The following MEF2C variants were observed in gnomAD, a reference collection of about 807,000 sequenced individuals.
MEF2C encodes the protein myocyte enhancer factor 2C.
In MEF2C, 6 loss-of-function variants were observed where a neutral mutation model predicts 50.5. The observed-to-expected ratio is 0.12, with a 90% CI of 0.07 to 0.23. The LOEUF is 0.23. Ranked by LOEUF, MEF2C falls within the 10% of genes least tolerant of loss-of-function variation. The probability of loss-of-function intolerance (pLI) is 1.00; values close to 1 mark genes in which losing one functional copy is unlikely to be tolerated. For synonymous variants in MEF2C, 183 were observed against 228.0 expected (o/e 0.80, Z 1.78); for missense variants, 276 against 605.0 (o/e 0.46, Z 5.70).
intron 1 of MEF2C, among the ~76,000 whole-genome samples, chr5:88,902,618 G>A (rs1246725180): frequency 6.6e-6 from 1 of 151,486 alleles, no homozygotes; most frequent in African/African-American, 2.4e-5. Flanking sequence ...ATCATTTCAG[G>A]TACAGTGGTC....
intron 1 of MEF2C, chr5:88,826,921 A>G (rs940118978): frequency 6.7e-6 from 1 of 150,358 alleles, no homozygotes; most frequent in Non-Finnish European, 1.5e-5. Context: ...AAAAAAAAAG[A>G]TGAAGAACTG....
At chr5:88,886,503 T>G (rs547379997), upstream of MEF2C, among the ~76,000 whole-genome samples, 7 of 152,324 alleles carry the variant, frequency 4.6e-5, no homozygotes, top group South Asian at 1.0e-3. Context: ...TTCGCTTATG[T>G]GTTAAATGAG....
chr5:88,852,760 C>G (rs1821851331), intron 1 of MEF2C, among the ~76,000 whole-genome samples: 1 of 151,760 alleles, frequency 6.6e-6, no homozygotes, highest in African/African-American at 2.4e-5. Context: ...ATACAAAATA[C>G]AAAAATGAGC....
intron 3 of MEF2C, among the ~76,000 whole-genome samples, chr5:88,768,312 G>GAACAC (rs1780900682): frequency 2.0e-5 from 3 of 152,130 alleles, no homozygotes; most frequent in African/African-American, 7.2e-5. Context: ...TGAATGAATG[G>GAACAC]AACACACATT....
At chr5:88,746,794 G>T in intron 6 of MEF2C, 1 of 611,450 alleles carries the variant, frequency 1.6e-6, no homozygotes, top group Non-Finnish European at 2.0e-6. Context: ...CTAAGCTTGA[G>T]ACTAAGTGGC....
At chr5:88,805,052 A>C (rs1479783752) in intron 2 of MEF2C, among the ~76,000 whole-genome samples, 1 of 152,196 alleles carries the variant, frequency 6.6e-6, no homozygotes, top group Non-Finnish European at 1.5e-5. Flanking sequence ...ATTTTAATGA[A>C]GGTGACCAGG....
intron 3 of MEF2C, among the ~76,000 whole-genome samples, chr5:88,770,173 C>T (rs534278720): frequency 2.6e-5 from 4 of 152,280 alleles, no homozygotes; most frequent in African/African-American, 9.6e-5. Flanking sequence ...ATAATTGTAA[C>T]TTCACATACT....
chr5:88,780,031 C>T (rs1192419505), intron 3 of MEF2C, among the ~76,000 whole-genome samples: 1 of 151,678 alleles, frequency 6.6e-6, no homozygotes, highest in Non-Finnish European at 1.5e-5. Context: ...CCTGTAATCC[C>T]AGCTACTTGG....
chr5:88,850,989 A>C (rs1317488770), intron 1 of MEF2C, among the ~76,000 whole-genome samples: 1 of 152,130 alleles, frequency 6.6e-6, no homozygotes, highest in African/African-American at 2.4e-5. Context: ...AAGAACATTT[A>C]TAACATTTTC....
chr5:88,848,060 A>G (rs932744995), intron 1 of MEF2C, among the ~76,000 whole-genome samples: 1 of 152,206 alleles, frequency 6.6e-6, no homozygotes, highest in Admixed American at 6.5e-5. Flanking sequence ...TATGCTTACA[A>G]CTAGCGATTG....
rs950262146 is a variant in MEF2C, at chr5:88,806,208, G to T, written c.55-1407C>A. Among the ~76,000 whole-genome samples, 45 of 152,114 alleles carry T rather than the reference G, an allele frequency of 3.0e-4. 2 individuals are homozygous for T. Among genetic ancestry groups the T allele is most frequent in the African/African-American group, 4.8e-5 (2 of 41,434 alleles). ...TTAATTAAGCTACTGTTTTCAGAATGAATCATTTAAACTTTTTTCATACCT... is the reference window on the plus strand; with the variant it reads ...TTAATTAAGCTACTGTTTTCAGAATTAATCATTTAAACTTTTTTCATACCT... On this transcript the variant is annotated intron_variant, in intron 2 of 10. Transcript: ENST00000504921.
At chr5:88,759,503 A>T (rs1220255353) in intron 4 of MEF2C, among the ~76,000 whole-genome samples, 1 of 152,182 alleles carries the variant, frequency 6.6e-6, no homozygotes, top group African/African-American at 2.4e-5. Flanking sequence ...ATAGATAAAT[A>T]AAAATAAAAA....
At position 88,722,719 on chromosome 5, in the gene MEF2C, C is replaced by T; in HGVS notation, c.1307G>A (p.Arg436Gln). 6.2e-7 allele frequency: 1 copy of T among 1,613,924 alleles called. No homozygotes were observed. The highest frequency in any genetic ancestry group is 1.1e-5 in the South Asian group (1 of 91,076). The change falls in exon 11 of 11, where the codon CGA (arginine) becomes CAA (glutamine). Residue 436 changes from arginine (R) to glutamine (Q), a missense_variant. Physicochemically the swap from Arg to Gln is conservative, Grantham distance 43 (BLOSUM62 1). Coordinates refer to ENST00000504921, the MANE Select transcript of MEF2C (RefSeq NM_002397.5). ...GTGGAATTCGTTCCGGTGATCCTCT[C>T]GGTCGCTCCCGTCGTACGAACTGCT... ...SCSSSYDGSD[R>Q]EDHRNEFHSP...
chr5:88,829,496 A>G (rs1275618613), intron 1 of MEF2C, among the ~76,000 whole-genome samples: 1 of 152,074 alleles, frequency 6.6e-6, no homozygotes, highest in African/African-American at 2.4e-5. Flanking sequence ...TGTCAAACAT[A>G]TAGAAAGAGC....
At chr5:88,796,390 T>A (rs1796045624) in intron 3 of MEF2C, among the ~76,000 whole-genome samples, 1 of 152,176 alleles carries the variant, frequency 6.6e-6, no homozygotes, top group Non-Finnish European at 1.5e-5. Flanking sequence ...TCCAGGAATT[T>A]ATTCATTTCT....
chr5:88,802,347 C>A (rs776604895), intron 3 of MEF2C, among the ~76,000 whole-genome samples: 14 of 152,248 alleles, frequency 9.2e-5, no homozygotes, highest in Non-Finnish European at 1.2e-4. Context: ...TGACTCTTAA[C>A]CCAGTGCTGT....
intron 1 of MEF2C, among the ~76,000 whole-genome samples, chr5:88,837,108 T>C (rs2153275718): frequency 6.6e-6 from 1 of 151,992 alleles, no homozygotes; most frequent in South Asian, 2.1e-4. Flanking sequence ...CTGAATGTCA[T>C]AATCTGGACT....
intron 1 of MEF2C, among the ~76,000 whole-genome samples, chr5:88,863,159 A>C (rs1161990298): frequency 6.6e-6 from 1 of 152,242 alleles, no homozygotes; most frequent in African/African-American, 2.4e-5. Flanking sequence ...AAAGAGCTGA[A>C]CATTCTATCA....
At chr5:88,832,915 A>G (rs1813634416) in intron 1 of MEF2C, among the ~76,000 whole-genome samples, 1 of 152,184 alleles carries the variant, frequency 6.6e-6, no homozygotes, top group South Asian at 2.1e-4. Flanking sequence ...ATTAGAACAT[A>G]TCTGTTCATC....
Sources: allele counts gnomAD v4.1 joint callset (sites outside exome capture counted in the v4.1 genomes callset), GRCh38; gene constraint gnomAD v4.1.1; transcripts MANE v1.5; gene names NCBI Gene and HGNC (gene_info 2026-07-23, HGNC 2026-07-21).